Variants in ABCA8 observed in about 807,000 individuals in gnomAD.
The protein encoded by ABCA8 is ATP binding cassette subfamily A member 8.
Under a neutral mutation model 192.3 loss-of-function variants are expected in ABCA8, and 177 were observed. The ratio of observed to expected loss-of-function variants is 0.92; its 90% CI spans 0.81 to 1.04. ABCA8 has a LOEUF of 1.04. ABCA8 is among the 50% of genes least tolerant of loss of function. ABCA8 has a pLI of 0.00. For synonymous variants in ABCA8, 642 were observed against 690.2 expected (o/e 0.93, Z 1.09); for missense variants, 1,915 against 1,904.8 (o/e 1.01, Z -0.10).
At position 68,941,934 on chromosome 17, in the gene ABCA8, C is replaced by A; in HGVS notation, c.96+5G>T. 6.3e-7 allele frequency: 1 copy of A among 1,587,360 alleles called. No homozygotes were observed. The highest frequency in any genetic ancestry group is 1.1e-5 in the South Asian group (1 of 89,580). Reference sequence around the variant, plus strand: ...ATAGAGAATAACACGGATATTGAGTCATACCATTAAGGACTCTCTTTTCAT... The same window carrying A: ...ATAGAGAATAACACGGATATTGAGTAATACCATTAAGGACTCTCTTTTCAT... On this transcript the variant is annotated splice_donor_5th_base_variant and intron_variant, in intron 3 of 39. Transcript: ENST00000586539.
Position 68,932,317 on chromosome 17 carries a change from T to C in ABCA8, c.768A>G (p.Thr256=). The change falls in exon 7 of 40, where the codon ACA becomes ACG. Residue 256 remains threonine, a synonymous_variant. Transcript: ENST00000586539. ...RERKRMKALM[T]MMGLRDSAFW... ...ACGCTGAATCCCGAAGACCCATCAT[T>C]GTCATCAAGGCCTTCATCCTTTTCC... 6.2e-7 allele frequency: 1 copy of C among 1,613,710 alleles called. No homozygotes were observed. Among genetic ancestry groups the C allele is most frequent in the Non-Finnish European group, 8.5e-7 (1 of 1,179,658 alleles).
chr17:68,935,323 C>A (rs1265608169), intron 5 of ABCA8, among the ~76,000 whole-genome samples: 1 of 145,404 alleles, frequency 6.9e-6, no homozygotes, highest in South Asian at 2.2e-4. Context: ...CACCATGTTG[C>A]CCAGGCTGAT....
In ABCA8 at chr17:68,880,790, G is replaced by A. The variant is rs571506509; in HGVS notation, c.4038+330C>T. 14 of 331,020 alleles carry A rather than the reference G, an allele frequency of 4.2e-5. No homozygotes were observed. In the East Asian group the frequency reaches 1.1e-3, roughly 26 times the overall value. 20.5% of individuals were successfully genotyped at this position (331,020 alleles called of 1,614,324 possible). On this transcript the variant is annotated intron_variant, in intron 32 of 39. Transcript: ENST00000586539. ...CACCTGGCTCATTCTTGGCAGGCTTGGGATCCAGGCTGGTGGCATGAACAG... is the reference window on the plus strand; with the variant it reads ...CACCTGGCTCATTCTTGGCAGGCTTAGGATCCAGGCTGGTGGCATGAACAG...
chr17:68,902,113 A>G (rs911634741), intron 21 of ABCA8, among the ~76,000 whole-genome samples: 5 of 152,362 alleles, frequency 3.3e-5, no homozygotes, highest in African/African-American at 1.2e-4. Context: ...AACAATAAAA[A>G]TGAAGTATTG....
intron 1 of ABCA8, among the ~76,000 whole-genome samples, chr17:68,952,635 C>G (rs768601261): frequency 5.3e-5 from 8 of 152,138 alleles, no homozygotes; most frequent in Non-Finnish European, 1.0e-4. Flanking sequence ...TCCTCCTGTA[C>G]AGGGCTTGCA....
At chr17:68,869,312 TC>T (rs2065989402) in intron 38 of ABCA8, among the ~76,000 whole-genome samples, 1 of 152,168 alleles carries the variant, frequency 6.6e-6, no homozygotes, top group Admixed American at 6.5e-5. Context: ...GGAGTCAGTT[TC>T]TTAATATACA....
chr17:68,940,807 G>T lies in ABCA8; in HGVS notation c.252C>A (p.Asn84Lys), dbSNP rs2068204283. The change falls in exon 4 of 40, where the codon AAC becomes AAA. Residue 84 changes from asparagine (N) to lysine (K), a missense_variant. Asn to Lys is a moderately conservative substitution (Grantham distance 94). Transcript: ENST00000586539. ...CTTTATTCATTATCTGTTGGGTCGT[G>T]TTGGTGACAGGTGTGTATACAACAG... The part of the protein sequence containing the change: ...RFSVVYTPVT[N>K]TTQQIMNKVA... The T allele has an allele frequency of 6.2e-7, 1 of 1,613,602 alleles. No homozygotes were observed. The highest frequency in any genetic ancestry group is 8.5e-7 in the Non-Finnish European group (1 of 1,179,594).
intron 16 of ABCA8, 111 bp downstream of exon 16, chr17:68,917,936 C>T: frequency 7.7e-7 from 1 of 1,295,286 alleles, no homozygotes; most frequent in Admixed American, 2.4e-5. Flanking sequence ...ATTCAATTTA[C>T]CAGATACAGC....
chr17:68,922,666 G>C (rs1160750800), intron 11 of ABCA8, among the ~76,000 whole-genome samples: 3 of 152,054 alleles, frequency 2.0e-5, no homozygotes, highest in East Asian at 1.9e-4. Context: ...ATACCCAAAG[G>C]CTCCTGTGAA....
chr17:68,887,971 C>T (rs1397819391), intron 24 of ABCA8, among the ~76,000 whole-genome samples: 3 of 121,534 alleles, frequency 2.5e-5, no homozygotes, highest in East Asian at 2.5e-4. Flanking sequence ...TATACACACA[C>T]ATATATATGG....
Position 68,906,061 on chromosome 17 carries a change from G to C in ABCA8, c.2381C>G (p.Ser794Cys). 1 of 1,586,858 alleles carries C rather than the reference G, an allele frequency of 6.3e-7. No individual in the cohort carries two copies. Among genetic ancestry groups the C allele is most frequent in the Non-Finnish European group, 8.6e-7 (1 of 1,168,698 alleles). Reference sequence around the variant, plus strand: ...TTATTTACCCGATTCATTAATTGTAGATTTTCCTTCTAGCTTCAGGAATAC... The same window carrying C: ...TTATTTACCCGATTCATTAATTGTACATTTTCCTTCTAGCTTCAGGAATAC... ...NEVFLKLEGK[S>C]TINESDIAIL... The change falls in exon 19 of 40, where the codon TCT (serine) becomes TGT (cysteine). Residue 794 changes from serine to cysteine, a missense_variant. Ser to Cys is a moderately radical substitution (Grantham distance 112, BLOSUM62 -1). Coordinates refer to ENST00000586539, the MANE Select transcript of ABCA8 (RefSeq NM_001288985.2).
chr17:68,907,728 C>T lies in ABCA8; in HGVS notation c.2278+12G>A, dbSNP rs2067112690. On this transcript the variant is annotated intron_variant, in intron 18 of 39. Coordinates refer to ENST00000586539, the MANE Select transcript of ABCA8 (RefSeq NM_001288985.2). Reference sequence around the variant, plus strand: ...TTCACATATTTTATTTCACAGTGTTCATGCACATTACCTGGAAATTTATTT... The same window carrying T: ...TTCACATATTTTATTTCACAGTGTTTATGCACATTACCTGGAAATTTATTT... 1.9e-6 allele frequency: 3 copies of T among 1,574,934 alleles called. No individual in the cohort carries two copies. The highest frequency in any genetic ancestry group is 2.6e-6 in the Non-Finnish European group (3 of 1,164,720).
Position 68,920,945 on chromosome 17 carries a change from C to G in ABCA8, c.1612+437G>C, listed in dbSNP as rs576975648. On this transcript the variant is annotated intron_variant, in intron 13 of 39. Transcript: ENST00000586539. ...ATTCACAGTAGCAAAGACTTGGAAC[C>G]AAGCCAAATGTCCCTCAATGATAGA... 2.9e-3 allele frequency among the ~76,000 whole-genome samples: 440 copies of G among 152,246 alleles called. 3 individuals are homozygous for G. Among genetic ancestry groups the G allele is most frequent in the Non-Finnish European group, 3.4e-3 (230 of 68,026 alleles).
intron 11 of ABCA8, 106 bp downstream of exon 11, chr17:68,924,595 C>CA: frequency 8.1e-7 from 1 of 1,241,600 alleles, no homozygotes; most frequent in Non-Finnish European, 1.1e-6. Context: ...TAGGTGAGGA[C>CA]AGGTGGGAAC....
chr17:68,944,316 T>TTATATATATA (rs1177610587), intron 2 of ABCA8, among the ~76,000 whole-genome samples: 17 of 29,240 alleles, frequency 5.8e-4, no homozygotes, highest in Admixed American at 1.3e-3. Context: ...GAACTTAAAG[T>TTATATATATA]TATATATATA....
At chr17:68,924,897 T>C in intron 10 of ABCA8, 28 bp from the exon 11 acceptor site, 1 of 1,609,292 alleles carries the variant, frequency 6.2e-7, no homozygotes, top group Non-Finnish European at 8.5e-7. Flanking sequence ...AATTAAATAT[T>C]GGGTCAATGA....
At chr17:68,886,994 A>G (rs761837012) in intron 26 of ABCA8, 23 bp downstream of exon 26, 9 of 1,497,214 alleles carry the variant, frequency 6.0e-6, no homozygotes, top group Non-Finnish European at 8.4e-6. Context: ...TATACAGTAT[A>G]CATCCACAAG....
chr17:68,887,582 A>G (rs900208202), intron 24 of ABCA8, 76 bp from the exon 25 acceptor site: 36 of 1,193,474 alleles, frequency 3.0e-5, no homozygotes, highest in Non-Finnish European at 3.6e-5. Flanking sequence ...ATTCAAACAA[A>G]ACCTTTATTT....
At chr17:68,954,801 G>A (rs992619340) in intron 1 of ABCA8, among the ~76,000 whole-genome samples, 2 of 152,062 alleles carry the variant, frequency 1.3e-5, no homozygotes, top group African/African-American at 4.8e-5. Flanking sequence ...AAAGTCAGAA[G>A]AACACTTATC....
Sources: allele counts gnomAD v4.1 joint callset (sites outside exome capture counted in the v4.1 genomes callset), GRCh38; gene constraint gnomAD v4.1.1; transcripts MANE v1.5; gene names NCBI Gene and HGNC (gene_info 2026-07-23, HGNC 2026-07-21).